The following MYH9 variants were observed in gnomAD, a reference collection of about 807,000 sequenced individuals.
MYH9 encodes myosin-9.
Under a neutral mutation model 241.9 loss-of-function variants are expected in MYH9, and 29 were observed. That is an observed-to-expected ratio of 0.12 (90% confidence interval 0.09 to 0.16). The LOEUF (loss-of-function observed/expected upper bound fraction) is 0.16. Among genes scored for constraint, MYH9 ranks in the 10% least tolerant of loss-of-function variants. The probability of loss-of-function intolerance (pLI) is 1.00; values close to 1 mark genes in which losing one functional copy is unlikely to be tolerated. For missense variants in MYH9, 1,803 were observed against 2,595.5 expected (o/e 0.69, Z 6.63); for synonymous variants, 1,047 against 1,062.6 (o/e 0.99, Z 0.29).
chr22:36,310,141 AGGGCTGTAATCTCAGCCCCTAGGG>A (rs939739721), intron 14 of MYH9, among the ~76,000 whole-genome samples: 12 of 149,848 alleles, frequency 8.0e-5, no homozygotes, highest in African/African-American at 2.2e-4. Context: ...TCCCAGCTAC[AGGGCTGTAATCTCAGCCCCTAGGG>A]GGGCTGAGGC....
At chr22:36,344,030 T>C (rs557724682) in intron 2 of MYH9, among the ~76,000 whole-genome samples, 2 of 152,330 alleles carry the variant, frequency 1.3e-5, no homozygotes, top group South Asian at 2.1e-4. Flanking sequence ...TTAGGACAAG[T>C]CTTTCTGACA....
At chr22:36,333,396 GC>G (rs1390536248) in intron 3 of MYH9, among the ~76,000 whole-genome samples, 2 of 152,202 alleles carry the variant, frequency 1.3e-5, no homozygotes, top group Non-Finnish European at 2.9e-5. Context: ...TTAGACCTGT[GC>G]CCTGTTGTAT....
At chr22:36,365,594 G>A (rs1321589150) in intron 1 of MYH9, among the ~76,000 whole-genome samples, 1 of 151,896 alleles carries the variant, frequency 6.6e-6, no homozygotes, top group East Asian at 1.9e-4. Flanking sequence ...CCAAGTAGCT[G>A]GCATTACAGG....
chr22:36,282,525 G>C lies in MYH9; in HGVS notation c.*143C>G, dbSNP rs1264288117. The C allele has an allele frequency of 9.6e-6, 8 of 834,108 alleles. No individual in the cohort carries two copies. Among genetic ancestry groups the C allele is most frequent in the Non-Finnish European group, 1.7e-5 (8 of 481,654 alleles). The allele number at this position is 834,108 out of a possible 1,614,324, so 51.7% of individuals were successfully genotyped here. A position where few individuals can be genotyped will look rare whatever the true frequency, so the allele number is the denominator to read the frequency against. On this transcript the variant is annotated 3_prime_UTR_variant, in exon 41 of 41. Coordinates refer to ENST00000216181, the MANE Select transcript of MYH9 (RefSeq NM_002473.6). ...CCCTCAACAACACCTGGAGGGAAAC[G>C]GGATGGGGGGACGGGGCGGAGGGCA...
chr22:36,291,205 C>T lies in MYH9; in HGVS notation c.4344+781G>A, dbSNP rs1603482855. On this transcript the variant is annotated intron_variant, in intron 31 of 40. Coordinates refer to ENST00000216181, the MANE Select transcript of MYH9 (RefSeq NM_002473.6). ...ACCCAACAGCTCATTGATAGCGGGC[C>T]ATGATGACAATGGCGGTTTTGTGGA... Among the ~76,000 whole-genome samples the T allele has an allele frequency of 1.3e-5, 2 of 152,100 alleles. 1 individual carries two copies. The highest frequency in any genetic ancestry group is 3.9e-4 in the East Asian group (2 of 5,184).
chr22:36,308,969 A>T, intron 15 of MYH9: 1 of 660,096 alleles, frequency 1.5e-6, no homozygotes, highest in Non-Finnish European at 1.9e-6. Flanking sequence ...CCTACCAAGG[A>T]GTAGAGGCGG....
chr22:36,374,985 CT>C (rs941297695), intron 1 of MYH9, among the ~76,000 whole-genome samples: 2 of 152,326 alleles, frequency 1.3e-5, no homozygotes, highest in Admixed American at 6.5e-5. Context: ...AGACTCCCCC[CT>C]GCCTTCTCCC....
intron 1 of MYH9, among the ~76,000 whole-genome samples, chr22:36,371,868 C>CT (rs2018095936): frequency 6.6e-6 from 1 of 151,908 alleles, no homozygotes; most frequent in East Asian, 1.9e-4. Context: ...AACATACCCC[C>CT]TCATCTGCTT....
chr22:36,341,244 T>C (rs141350106), intron 3 of MYH9, 126 bp downstream of exon 3: 2 of 1,215,646 alleles, frequency 1.6e-6, no homozygotes, highest in East Asian at 2.4e-5. Flanking sequence ...CAGACCTCCA[T>C]GATGCACTGC....
chr22:36,356,818 T>C (rs1412681918), intron 1 of MYH9, among the ~76,000 whole-genome samples: 3 of 151,884 alleles, frequency 2.0e-5, no homozygotes, highest in South Asian at 2.1e-4. Context: ...TGTGGTAGAG[T>C]AGACAGAAAG....
intron 27 of MYH9, 144 bp downstream of exon 27, chr22:36,294,788 C>A: frequency 9.3e-7 from 1 of 1,078,834 alleles, no homozygotes. Context: ...GCACGAGTCA[C>A]AAAGCCCCTT....
intron 1 of MYH9, among the ~76,000 whole-genome samples, chr22:36,379,539 C>T (rs1277022796): frequency 6.6e-6 from 1 of 152,176 alleles, no homozygotes; most frequent in Non-Finnish European, 1.5e-5. Flanking sequence ...AGAAAGACAT[C>T]ATCTTGGCCT....
intron 1 of MYH9, among the ~76,000 whole-genome samples, chr22:36,375,116 T>TC (rs1386146661): frequency 2.0e-5 from 3 of 152,150 alleles, no homozygotes; most frequent in African/African-American, 7.2e-5. Context: ...AATCAGTTCC[T>TC]CCTAGTAGGA....
At chr22:36,363,277 T>C (rs1204479776) in intron 1 of MYH9, among the ~76,000 whole-genome samples, 1 of 152,224 alleles carries the variant, frequency 6.6e-6, no homozygotes, top group African/African-American at 2.4e-5. Context: ...TGCTGTCTCT[T>C]AGAACTCTCT....
rs1407808338 is a variant in MYH9 at position 36,300,519 on chromosome 22, AG to A, written c.2839-256del. ...CCAGAACATCGGTGCAATGTTCTGA[AG>A]GGTTTCCTGCAGCAAGCTCCCACCC... On this transcript the variant is annotated intron_variant, in intron 22 of 40. Transcript: ENST00000216181. This position sits in a 1 kb window ranked among gnomAD's most constrained non-coding sequence, Gnocchi z 5.0. Among the ~76,000 whole-genome samples, 2 of 152,220 alleles carry A rather than the reference AG, an allele frequency of 1.3e-5. No homozygotes were observed. Among genetic ancestry groups the A allele is most frequent in the Non-Finnish European group, 2.9e-5 (2 of 68,030 alleles).
At chr22:36,301,176 C>T in intron 21 of MYH9, 119 bp from the exon 22 acceptor site, 1 of 1,024,038 alleles carries the variant, frequency 9.8e-7, no homozygotes, top group Non-Finnish European at 1.5e-6. Flanking sequence ...ACAAAAGTAG[C>T]TTTCATCTGG....
At chr22:36,289,475 A>T (rs990164216) in intron 31 of MYH9, among the ~76,000 whole-genome samples, 178 bp from the exon 32 acceptor site, 2 of 152,242 alleles carry the variant, frequency 1.3e-5, no homozygotes, top group Non-Finnish European at 2.9e-5. Context: ...GTGCATCCTC[A>T]TGATGGGATG....
intron 5 of MYH9, 29 bp from the exon 6 acceptor site, chr22:36,322,550 G>A (rs2017271529): frequency 1.2e-6 from 2 of 1,610,332 alleles, no homozygotes; most frequent in Non-Finnish European, 1.7e-6. Context: ...CGCAGTGAAG[G>A]CCGGGCAGCG....
At chr22:36,314,732 T>C (rs780796630) in intron 12 of MYH9, among the ~76,000 whole-genome samples, 2 of 151,970 alleles carry the variant, frequency 1.3e-5, no homozygotes, top group African/African-American at 2.4e-5. Flanking sequence ...CACTGCAGCC[T>C]CCGCTTCCTG....
Sources: gnomAD v4.1 joint callset for allele counts (sites outside exome capture counted in the v4.1 genomes callset) on GRCh38, gnomAD v4.1.1 for gene constraint, Gnocchi (gnomAD v3.1) non-coding constraint, MANE v1.5 for transcripts, NCBI Gene and HGNC (gene_info 2026-07-23, HGNC 2026-07-21) for gene names.